NRXN1: variants seen among roughly 807,000 people sequenced by gnomAD.
NRXN1 encodes the protein neurexin 1, also known as neurexin-1.
In NRXN1, 39 loss-of-function variants were observed where a neutral mutation model predicts 150.9. The observed-to-expected ratio is 0.26, with a 90% confidence interval of 0.20 to 0.34. The LOEUF is 0.34. Among genes scored for constraint, NRXN1 ranks in the 10% least tolerant of loss-of-function variants. NRXN1 has a pLI of 1.00. For missense variants in NRXN1, 1,815 were observed against 1,949.9 expected, an observed-to-expected ratio of 0.93 and a Z score of 1.30; for synonymous variants, 924 against 757.0, an observed-to-expected ratio of 1.22 and a Z score of -3.62.
At chr2:50,756,191 T>TGA (rs1198884290) in intron 5 of NRXN1, among the ~76,000 whole-genome samples, 3 of 151,716 alleles carry the variant, frequency 2.0e-5, no homozygotes, top group African/African-American at 7.2e-5. Flanking sequence ...TCCTTAGCAA[T>TGA]GAGAGAATGG....
intron 17 of NRXN1, among the ~76,000 whole-genome samples, chr2:50,270,968 T>C (rs1443513311): frequency 6.6e-6 from 1 of 152,192 alleles, no homozygotes; most frequent in Non-Finnish European, 1.5e-5. Context: ...CATATACAGA[T>C]ATAGGTTTTT....
intron 19 of NRXN1, among the ~76,000 whole-genome samples, chr2:50,066,194 T>C (rs78345204): frequency 0.018 from 2,706 of 152,294 alleles, 86 homozygotes; most frequent in African/African-American, 0.062. Flanking sequence ...AAAGTCAATA[T>C]ATAAGCAGTG....
At position 50,299,183 on chromosome 2, in the gene NRXN1, T is replaced by C. The variant is rs1574986417; in HGVS notation, c.3365-62213A>G. Among the ~76,000 whole-genome samples the C allele has an allele frequency of 2.0e-5, 3 of 152,298 alleles. No individual in the cohort carries two copies. In the South Asian group the frequency reaches 6.2e-4, roughly 32 times the overall value. ...TGGCTTTATACAATTGCATCCTCTC[T>C]TCCTTTCCAATATGTTTCCAAAGTA... On this transcript the variant is annotated intron_variant, in intron 17 of 22. Transcript: ENST00000401669.
intron 5 of NRXN1, among the ~76,000 whole-genome samples, chr2:50,909,749 T>C (rs190826768): frequency 6.6e-6 from 1 of 152,108 alleles, no homozygotes; most frequent in Non-Finnish European, 1.5e-5. Context: ...TTATATATTT[T>C]TTCCATGGTA....
chr2:50,203,791 GTTCTTTTC>G (rs2062362710), intron 18 of NRXN1, among the ~76,000 whole-genome samples: 1 of 152,062 alleles, frequency 6.6e-6, no homozygotes, highest in African/African-American at 2.4e-5. Context: ...AAAATCAATA[GTTCTTTTC>G]TTCTTCATTT....
chr2:50,228,788 C>T (rs1311143260), intron 18 of NRXN1, among the ~76,000 whole-genome samples: 1 of 151,902 alleles, frequency 6.6e-6, no homozygotes, highest in Admixed American at 6.6e-5. Context: ...CCAGGAAGAG[C>T]CCACCATTAA....
At chr2:50,518,627 C>T (rs753575667) in intron 12 of NRXN1, among the ~76,000 whole-genome samples, 1 of 141,922 alleles carries the variant, frequency 7.0e-6, no homozygotes, top group Non-Finnish European at 1.5e-5. Flanking sequence ...TAAACGAAGC[C>T]ATGGATTATA....
intron 5 of NRXN1, among the ~76,000 whole-genome samples, chr2:50,787,384 AC>A (rs1251468056): frequency 1.3e-5 from 2 of 151,680 alleles, no homozygotes; most frequent in Non-Finnish European, 2.9e-5. Flanking sequence ...ATGTGGTGAA[AC>A]CCCCATCTCT....
At chr2:51,018,672 T>C (rs1047645910) in intron 2 of NRXN1, among the ~76,000 whole-genome samples, 23 of 152,074 alleles carry the variant, frequency 1.5e-4, no homozygotes, top group African/African-American at 4.8e-4. Flanking sequence ...GCAACTCTCA[T>C]TATTTATGTG....
At chr2:50,288,137 T>C (rs2072437431) in intron 17 of NRXN1, among the ~76,000 whole-genome samples, 1 of 152,206 alleles carries the variant, frequency 6.6e-6, no homozygotes, top group Admixed American at 6.6e-5. Context: ...TTGTATCATA[T>C]GAATAACTTT....
intron 19 of NRXN1, among the ~76,000 whole-genome samples, chr2:50,061,506 C>T (rs1335747017): frequency 4.1e-4 from 62 of 152,138 alleles, no homozygotes; most frequent in Admixed American, 4.0e-3. Context: ...TCGAAGAAGA[C>T]ATTTTTACCT....
intron 5 of NRXN1, among the ~76,000 whole-genome samples, chr2:50,897,284 G>GTA (rs1682129114): frequency 6.6e-6 from 1 of 152,148 alleles, no homozygotes; most frequent in Non-Finnish European, 1.5e-5. Flanking sequence ...ACTGTGACTG[G>GTA]CATAGAGAAA....
chr2:50,057,467 T>G (rs1693831044), intron 19 of NRXN1, among the ~76,000 whole-genome samples: 1 of 152,222 alleles, frequency 6.6e-6, no homozygotes. Context: ...GACACTTGAC[T>G]ATATTATTTG....
intron 21 of NRXN1, among the ~76,000 whole-genome samples, chr2:49,961,444 G>C (rs1461893657): frequency 6.6e-6 from 1 of 151,692 alleles, no homozygotes; most frequent in Admixed American, 6.6e-5. Flanking sequence ...TCCATTCTAA[G>C]AAGCTTACAG....
chr2:50,199,809 C>T (rs184422568), intron 18 of NRXN1, among the ~76,000 whole-genome samples: 1 of 152,226 alleles, frequency 6.6e-6, no homozygotes, highest in East Asian at 1.9e-4. Flanking sequence ...CTTAAAAAGA[C>T]ACATTGCTCC....
intron 8 of NRXN1, among the ~76,000 whole-genome samples, chr2:50,563,946 C>T (rs1669487745): frequency 6.6e-6 from 1 of 152,078 alleles, no homozygotes; most frequent in African/African-American, 2.4e-5. Flanking sequence ...TTAAGACAGC[C>T]AATGCTGATG....
At chr2:50,217,798 A>G (rs569687380) in intron 18 of NRXN1, among the ~76,000 whole-genome samples, 1 of 152,064 alleles carries the variant, frequency 6.6e-6, no homozygotes, top group Admixed American at 6.6e-5. Flanking sequence ...TCACTTGCAT[A>G]CTTATTAAAA....
At chr2:50,472,120 C>G (rs2089537656) in intron 16 of NRXN1, among the ~76,000 whole-genome samples, 178 bp downstream of exon 16, 1 of 151,540 alleles carries the variant, frequency 6.6e-6, no homozygotes, top group Non-Finnish European at 1.5e-5. Context: ...TGTAGGCTTG[C>G]AAACAGTACA....
At chr2:50,066,366 A>G (rs1695362591) in intron 19 of NRXN1, among the ~76,000 whole-genome samples, 2 of 152,216 alleles carry the variant, frequency 1.3e-5, no homozygotes, top group African/African-American at 4.8e-5. Flanking sequence ...ATAGATAATG[A>G]GACATAAGTA....
Sources: gnomAD v4.1 joint callset for allele counts (sites outside exome capture counted in the v4.1 genomes callset) on GRCh38, gnomAD v4.1.1 for gene constraint, MANE v1.5 for transcripts, NCBI Gene and HGNC (gene_info 2026-07-23, HGNC 2026-07-21) for gene names.